TMEM109: variants seen among roughly 807,000 people sequenced by gnomAD.
TMEM109 encodes transmembrane protein 109, also known as voltage-gated monoatomic cation channel TMEM109.
A neutral mutation model predicts 26.4 loss-of-function variants in TMEM109; 19 were observed. The observed-to-expected ratio is 0.72, with a 90% confidence interval of 0.50 to 1.06. TMEM109 has a LOEUF of 1.06. Among genes scored for constraint, TMEM109 ranks in the 50% least tolerant of loss-of-function variants. The pLI, the probability that TMEM109 is intolerant of heterozygous loss-of-function variation, is 0.00. For missense variants in TMEM109, 262 were observed against 303.4 expected (o/e 0.86, Z 1.01); for synonymous variants, 129 against 142.0 (o/e 0.91, Z 0.65).
At chr11:60,919,633 A>C in intron 1 of TMEM109, 53 bp from the exon 2 acceptor site, 1 of 1,400,692 alleles carries the variant, frequency 7.1e-7, no homozygotes, top group South Asian at 1.2e-5. Context: ...CAGAGCTGAG[A>C]GGGTGAGTGT....
chr11:60,914,732 T>G (rs1229426883), intron 1 of TMEM109, among the ~76,000 whole-genome samples: 1 of 152,244 alleles, frequency 6.6e-6, no homozygotes, highest in Non-Finnish European at 1.5e-5. Flanking sequence ...ACTGACACCC[T>G]GTCTCCGGGA....
chr11:60,919,946 C>A lies in TMEM109; in HGVS notation c.237+16C>A. ...GGTGTCAGAGGTAAGGAAGGTAGTC[C>A]CTGTGTGACTACACACATTAAGGAA... On this transcript the variant is annotated intron_variant, in intron 2 of 3. Coordinates refer to ENST00000227525, the MANE Select transcript of TMEM109 (RefSeq NM_024092.3). The A allele has an allele frequency of 6.3e-7, 1 of 1,590,608 alleles. No individual in the cohort carries two copies.
chr11:60,920,823 C>A, intron 2 of TMEM109, 63 bp from the exon 3 acceptor site: 1 of 1,363,596 alleles, frequency 7.3e-7, no homozygotes, highest in South Asian at 1.2e-5. Context: ...CAGTGGTGAT[C>A]AGGCGTGAAG....
At position 60,919,693 on chromosome 11, in the gene TMEM109, C is replaced by A. The variant is rs549813233; in HGVS notation, c.-1C>A. 24 of 1,614,036 alleles carry A rather than the reference C, an allele frequency of 1.5e-5. No individual in the cohort carries two copies. The South Asian group carries it at 2.5e-4, about 17-fold the overall frequency. On this transcript the variant is annotated 5_prime_UTR_variant, in exon 2 of 4. Coordinates refer to ENST00000227525, the MANE Select transcript of TMEM109 (RefSeq NM_024092.3). ...GTGCTTCTCTCCTGGCAGACCCAGT[C>A]ATGGCAGCCTCCAGCATCAGTTCAC...
rs1474973841 is a variant in TMEM109, at chr11:60,922,382, T to C, written c.*217T>C. On this transcript the variant is annotated 3_prime_UTR_variant, in exon 4 of 4. Coordinates refer to ENST00000227525, the MANE Select transcript of TMEM109 (RefSeq NM_024092.3). ...GTCTTCTGAGGTTCTCTGTCTGGGG[T>C]TGGCTCTCTTAACCCTTTCTCTGCT... 5 of 1,530,638 alleles carry C rather than the reference T, an allele frequency of 3.3e-6. No individual in the cohort carries two copies. In the Admixed American group the frequency reaches 9.8e-5, roughly 30 times the overall value. 94.8% of individuals were successfully genotyped at this position (1,530,638 alleles called of 1,614,324 possible).
intron 2 of TMEM109, among the ~76,000 whole-genome samples, chr11:60,920,528 A>G (rs962433545): frequency 1.3e-5 from 2 of 152,166 alleles, no homozygotes; most frequent in Non-Finnish European, 2.9e-5. Flanking sequence ...GCAGGCCTCC[A>G]GTTTTATAGG....
Position 60,921,788 on chromosome 11 carries a change from C to G in TMEM109, c.355C>G (p.Gln119Glu). 6.2e-7 allele frequency: 1 copy of G among 1,611,114 alleles called. No individual in the cohort carries two copies. Among genetic ancestry groups the G allele is most frequent in the Non-Finnish European group, 8.5e-7 (1 of 1,179,234 alleles). The change falls in exon 4 of 4, where the codon CAG (glutamine) becomes GAG (glutamate). Residue 119 changes from glutamine (Q) to glutamate (E), a missense_variant. By Grantham distance (29) the Gln-to-Glu change is conservative. Transcript: ENST00000227525. ...ALGLAGDYLA[Q>E]GLKLSPGQVQ... ...TTGGCTTCCAGGTGATTACCTCGCC[C>G]AGGGCCTGAAGCTCAGCCCTGGCCA...
At position 60,922,428 on chromosome 11, in the gene TMEM109, A is replaced by G; in HGVS notation, c.*263A>G. On this transcript the variant is annotated 3_prime_UTR_variant, in exon 4 of 4. Coordinates refer to ENST00000227525, the MANE Select transcript of TMEM109 (RefSeq NM_024092.3). Reference sequence around the variant, plus strand: ...CTGCTCCCAGCCTGCCTCACCAGGGAAGGTTGGAGGGGCCTCCCTCTGGCT... The same window carrying G: ...CTGCTCCCAGCCTGCCTCACCAGGGGAGGTTGGAGGGGCCTCCCTCTGGCT... 2 of 1,463,956 alleles carry G rather than the reference A, an allele frequency of 1.4e-6. No individual in the cohort carries two copies. Among genetic ancestry groups the G allele is most frequent in the Non-Finnish European group, 1.8e-6 (2 of 1,090,608 alleles). The allele number at this position is 1,463,956 out of a possible 1,614,324, so 90.7% of individuals were successfully genotyped here. A position where few individuals can be genotyped will look rare whatever the true frequency, so the allele number is the denominator to read the frequency against.
chr11:60,920,863 C>G, intron 2 of TMEM109, 23 bp from the exon 3 acceptor site: 1 of 1,601,552 alleles, frequency 6.2e-7, no homozygotes, highest in South Asian at 1.1e-5. Context: ...ATGAACTCAT[C>G]TCGCTCCGTG....
At chr11:60,915,328 T>G (rs1856161953) in intron 1 of TMEM109, among the ~76,000 whole-genome samples, 1 of 152,238 alleles carries the variant, frequency 6.6e-6, no homozygotes, top group Non-Finnish European at 1.5e-5. Context: ...GCAGGTTAAG[T>G]AACAGGCGTA....
rs139600243 is a variant in TMEM109, at chr11:60,921,974, G to A, written c.541G>A (p.Asp181Asn). 4 of 1,613,626 alleles carry A rather than the reference G, an allele frequency of 2.5e-6. No homozygotes were observed. The highest frequency in any genetic ancestry group is 2.2e-5 in the East Asian group (1 of 44,872). Reference protein sequence around the residue: ...GFVALMRSVPDPSTRALLLLA... With the variant: ...GFVALMRSVPNPSTRALLLLA... The stretch of plus-strand genomic sequence containing the variant: ...CGTGGCCCTGATGAGGTCGGTGCCT[G>A]ACCCTTCCACCCGGGCCCTGCTACT... The change falls in exon 4 of 4, where the codon GAC becomes AAC. Residue 181 changes from aspartate to asparagine, a missense_variant. Coordinates refer to ENST00000227525, the MANE Select transcript of TMEM109 (RefSeq NM_024092.3).
At chr11:60,921,389 C>A (rs1856236198) in intron 3 of TMEM109, among the ~76,000 whole-genome samples, 1 of 152,110 alleles carries the variant, frequency 6.6e-6, no homozygotes, top group African/African-American at 2.4e-5. Context: ...CACTGCACTC[C>A]AGCCTCGGCG....
chr11:60,916,350 G>A (rs1375453989), intron 1 of TMEM109, among the ~76,000 whole-genome samples: 3 of 152,224 alleles, frequency 2.0e-5, no homozygotes, highest in Non-Finnish European at 4.4e-5. Context: ...GTATAGATAT[G>A]TATAACATTT....
At position 60,922,622 on chromosome 11, in the gene TMEM109, T is replaced by C; in HGVS notation, c.*457T>C. The C allele has an allele frequency of 2.9e-6, 1 of 347,696 alleles. No homozygotes were observed. The highest frequency in any genetic ancestry group is 7.4e-5 in the East Asian group (1 of 13,442). 21.5% of individuals were successfully genotyped at this position (347,696 alleles called of 1,614,324 possible). ...TCTTGTTTTCCTCATCCTCCTACCC[T>C]GTACTCCCACCAAACCATGGTCCTT... On this transcript the variant is annotated 3_prime_UTR_variant, in exon 4 of 4. Coordinates refer to ENST00000227525, the MANE Select transcript of TMEM109 (RefSeq NM_024092.3).
rs2134883222 is a variant in TMEM109 at position 60,922,154 on chromosome 11, G to C, written c.721G>C (p.Glu241Gln). Residue 241 changes from glutamate to glutamine, a missense_variant, in exon 4 of 4, where the codon GAG becomes CAG. Physicochemically the swap from Glu to Gln is conservative, Grantham distance 29. Transcript: ENST00000227525. ...AGCGGCCAAGGGGGCCCGCAGTGTG[G>C]AGGAGGAGTGAGCCGGATGCCCCAC... Reference protein sequence around the residue: ...RRAAKGARSVEEE With the variant: ...RRAAKGARSVQEE The C allele has an allele frequency of 1.3e-6, 2 of 1,588,810 alleles. No individual in the cohort carries two copies. The highest frequency in any genetic ancestry group is 1.8e-5 in the Admixed American group (1 of 56,542).
At position 60,922,707 on chromosome 11, in the gene TMEM109, C is replaced by A. The variant is rs1856262211; in HGVS notation, c.*542C>A. 1 of 237,860 alleles carries A rather than the reference C, an allele frequency of 4.2e-6. No individual in the cohort carries two copies. Among genetic ancestry groups the A allele is most frequent in the African/African-American group, 2.2e-5 (1 of 45,024 alleles). 14.7% of individuals were successfully genotyped at this position (237,860 alleles called of 1,614,324 possible). A position where few individuals can be genotyped will look rare whatever the true frequency, so the allele number is the denominator to read the frequency against. On this transcript the variant is annotated 3_prime_UTR_variant, in exon 4 of 4. Coordinates refer to ENST00000227525, the MANE Select transcript of TMEM109 (RefSeq NM_024092.3). ...GTAGGGAGGGGCAGGGGTAAGGGGA[C>A]CTGAGGATAAAGGGTGGGGAAACAG...
chr11:60,922,334 C>T lies in TMEM109; in HGVS notation c.*169C>T. On this transcript the variant is annotated 3_prime_UTR_variant, in exon 4 of 4. Transcript: ENST00000227525. ...CAAGAGAAACAGAGAAAGACCATTC[C>T]CCCTGCCTGTCCTTGCGGCCCTGTC... 6.5e-7 allele frequency: 1 copy of T among 1,536,316 alleles called. No individual in the cohort carries two copies. Among genetic ancestry groups the T allele is most frequent in the Non-Finnish European group, 8.7e-7 (1 of 1,146,538 alleles).
chr11:60,915,512 G>GT (rs1268371539), intron 1 of TMEM109, among the ~76,000 whole-genome samples: 1 of 152,246 alleles, frequency 6.6e-6, no homozygotes, highest in Non-Finnish European at 1.5e-5. Context: ...CTCTGGAAGA[G>GT]TCTGAGTGAG....
In TMEM109 at chr11:60,914,159, T is replaced by A. The variant is rs924589811; in HGVS notation, c.-118T>A. On this transcript the variant is annotated 5_prime_UTR_variant, in exon 1 of 4. Coordinates refer to ENST00000227525, the MANE Select transcript of TMEM109 (RefSeq NM_024092.3). ...GAAGGCCGGCTAGTCTCCGAGCTCATCCCGCCTTGCGCATGCGGAGAAGGT... is the reference window on the plus strand; with the variant it reads ...GAAGGCCGGCTAGTCTCCGAGCTCAACCCGCCTTGCGCATGCGGAGAAGGT... The A allele has an allele frequency of 6.6e-6, 1 of 152,150 alleles. No individual in the cohort carries two copies. The highest frequency in any genetic ancestry group is 6.5e-5 in the Admixed American group (1 of 15,288). 9.4% of individuals were successfully genotyped at this position (152,150 alleles called of 1,614,324 possible). A position where few individuals can be genotyped will look rare whatever the true frequency, so the allele number is the denominator to read the frequency against.
Sources: gnomAD v4.1 joint callset for allele counts (sites outside exome capture counted in the v4.1 genomes callset) on GRCh38, gnomAD v4.1.1 for gene constraint, MANE v1.5 for transcripts, NCBI Gene and HGNC (gene_info 2026-07-23, HGNC 2026-07-21) for gene names.